PYROXD2: variants seen among roughly 807,000 people sequenced by gnomAD.
PYROXD2 encodes the protein pyridine nucleotide-disulfide oxidoreductase domain-containing protein 2.
Under a neutral mutation model 71.1 loss-of-function variants are expected in PYROXD2, and 69 were observed. That is an observed-to-expected ratio of 0.97 (90% confidence interval 0.80 to 1.19). PYROXD2 has a LOEUF of 1.19. Ranked by LOEUF, PYROXD2 falls within the 50% of genes most tolerant of loss-of-function variation. The pLI is 0.00. For missense variants in PYROXD2, 745 were observed against 748.9 expected, an observed-to-expected ratio of 0.99 and a Z score of 0.06; for synonymous variants, 287 against 302.7, an observed-to-expected ratio of 0.95 and a Z score of 0.54.
intron 1 of PYROXD2, chr10:98,411,277 G>C: frequency 2.6e-6 from 1 of 387,076 alleles, no homozygotes; most frequent in East Asian, 5.2e-5. Context: ...GGAGGCGCAA[G>C]TGATGGTGTC....
At chr10:98,384,252 T>TGAC (rs5787280) in intron 15 of PYROXD2, among the ~76,000 whole-genome samples, 72,477 of 151,578 alleles carry the variant, frequency 0.48, 18,913 homozygotes, top group African/African-American at 0.68. Flanking sequence ...GCATAGCAAA[T>TGAC]AGCCTCAGCC....
rs754909854 is a variant in PYROXD2, at chr10:98,395,197, C to T, written c.784G>A (p.Gly262Arg). The stretch of plus-strand genomic sequence containing the variant: ...TCCCACCTCACCCCCCTCACTCACC[C>T]ACTCCCCGGAGTGTGGGGACTTGTC... ...AMTSPHTPGSGYVLLHHVMGG... is the reference protein window; with the variant it reads ...AMTSPHTPGSRYVLLHHVMGG... The change falls in exon 8 of 16, where the codon GGG (glycine) becomes AGG (arginine). Residue 262 changes from glycine (G) to arginine (R), a missense_variant and splice_region_variant. Physicochemically the swap from Gly to Arg is moderately radical, Grantham distance 125 (BLOSUM62 -2). Coordinates refer to ENST00000370575, the MANE Select transcript of PYROXD2 (RefSeq NM_032709.3). 1.2e-6 allele frequency: 2 copies of T among 1,612,896 alleles called. No individual in the cohort carries two copies. Among genetic ancestry groups the T allele is most frequent in the South Asian group, 2.2e-5 (2 of 91,062 alleles).
intron 4 of PYROXD2, among the ~76,000 whole-genome samples, chr10:98,406,195 C>T (rs1843591092): frequency 6.6e-6 from 1 of 152,224 alleles, no homozygotes; most frequent in Non-Finnish European, 1.5e-5. Flanking sequence ...AGCATCTACT[C>T]AGTTCACTTG....
chr10:98,398,898 G>C (rs914059913), intron 5 of PYROXD2, among the ~76,000 whole-genome samples: 2 of 152,132 alleles, frequency 1.3e-5, no homozygotes, highest in African/African-American at 4.8e-5. Flanking sequence ...CACCTTGGGA[G>C]GTGGAGGTGG....
In PYROXD2 at chr10:98,390,703, C is replaced by T. The variant is rs760319563; in HGVS notation, c.1187G>A (p.Gly396Asp). Residue 396 changes from glycine to aspartate, a missense_variant, in exon 12 of 16, where the codon GGC becomes GAC. Transcript: ENST00000370575. Reference sequence around the variant, plus strand: ...GCATTGGTGATGGGGCAGCGGCTGGCCCCTGGGAGCATTGGGGGCCGCCAG... The same window carrying T: ...GCATTGGTGATGGGGCAGCGGCTGGTCCCTGGGAGCATTGGGGGCCGCCAG... ...SFLAAPNAPR[G>D]QPLPHHQCSI... 5.0e-6 allele frequency: 8 copies of T among 1,611,214 alleles called. No individual in the cohort carries two copies. Among genetic ancestry groups the T allele is most frequent in the Admixed American group, 1.7e-5 (1 of 59,600 alleles).
At chr10:98,391,929 G>A (rs1179888346) in intron 10 of PYROXD2, among the ~76,000 whole-genome samples, 1 of 152,126 alleles carries the variant, frequency 6.6e-6, no homozygotes, top group East Asian at 1.9e-4. Flanking sequence ...CCGGCAAGCT[G>A]ACCCACAGCC....
At chr10:98,409,928 G>A (rs6584197) in intron 2 of PYROXD2, among the ~76,000 whole-genome samples, 57,762 of 151,690 alleles carry the variant, frequency 0.38, 12,627 homozygotes, top group African/African-American at 0.6. Context: ...AAATACAAAA[G>A]TTAGCCAGGC....
intron 13 of PYROXD2, chr10:98,387,716 T>C (rs1842804401): frequency 1.3e-5 from 2 of 155,362 alleles, no homozygotes; most frequent in South Asian, 1.6e-4. Flanking sequence ...CACTGCAACC[T>C]CCGCCTCTGG....
chr10:98,406,228 C>T (rs1456728028), intron 4 of PYROXD2, among the ~76,000 whole-genome samples: 4 of 152,220 alleles, frequency 2.6e-5, no homozygotes, highest in African/African-American at 9.7e-5. Context: ...TCAAGGAACA[C>T]TATGACAAAT....
chr10:98,388,251 A>T, intron 13 of PYROXD2, 103 bp downstream of exon 13: 1 of 1,172,274 alleles, frequency 8.5e-7, no homozygotes, highest in Non-Finnish European at 1.3e-6. Context: ...TTGGAATGGC[A>T]CCTGCAGTTG....
intron 5 of PYROXD2, among the ~76,000 whole-genome samples, chr10:98,398,156 T>C (rs890838975): frequency 6.6e-6 from 1 of 152,226 alleles, no homozygotes; most frequent in African/African-American, 2.4e-5. Context: ...GTGCTGGGAT[T>C]ACAGGCGTGA....
At chr10:98,406,877 G>A (rs1404467776) in intron 4 of PYROXD2, among the ~76,000 whole-genome samples, 1 of 121,066 alleles carries the variant, frequency 8.3e-6, no homozygotes, top group African/African-American at 3.3e-5. Flanking sequence ...GGGCGACAGA[G>A]CCAGACTCCG....
chr10:98,411,918 A>G (rs977117267), intron 1 of PYROXD2: 14 of 152,246 alleles, frequency 9.2e-5, no homozygotes, highest in Admixed American at 7.2e-4. Context: ...GTTCATAAGA[A>G]AGTTTAAACA....
chr10:98,391,519 T>C (rs1246280408), intron 10 of PYROXD2, among the ~76,000 whole-genome samples: 1 of 152,172 alleles, frequency 6.6e-6, no homozygotes, highest in African/African-American at 2.4e-5. Context: ...AGGAGCTTCA[T>C]GTGCGTATAC....
chr10:98,393,386 C>G (rs767582598), intron 8 of PYROXD2, among the ~76,000 whole-genome samples: 12 of 152,200 alleles, frequency 7.9e-5, no homozygotes, highest in Admixed American at 1.3e-4. Flanking sequence ...CAGATATCTC[C>G]CTTTGGACCC....
chr10:98,392,318 G>A, intron 10 of PYROXD2, 114 bp downstream of exon 10: 2 of 1,503,158 alleles, frequency 1.3e-6, no homozygotes, highest in Non-Finnish European at 1.8e-6. Flanking sequence ...CAAATGCAGA[G>A]ACTTGGCTTT....
At chr10:98,397,300 C>T (rs748614311) in intron 6 of PYROXD2, 45 bp downstream of exon 6, 28 of 1,525,892 alleles carry the variant, frequency 1.8e-5, no homozygotes, top group Non-Finnish European at 2.4e-5. Context: ...GGCTCACCTC[C>T]TTGAAGGTCA....
intron 10 of PYROXD2, among the ~76,000 whole-genome samples, chr10:98,391,821 C>G (rs572087976): frequency 1.3e-5 from 2 of 152,266 alleles, no homozygotes; most frequent in East Asian, 3.9e-4. Flanking sequence ...TGGAGCATAG[C>G]CGAGTCCCCC....
chr10:98,397,253 T>A, intron 6 of PYROXD2, 92 bp downstream of exon 6: 3 of 1,453,238 alleles, frequency 2.1e-6, no homozygotes, highest in South Asian at 2.9e-5. Flanking sequence ...CAGGCTGCCA[T>A]GGAGGTTCAG....
Sources: allele counts gnomAD v4.1 joint callset (sites outside exome capture counted in the v4.1 genomes callset), GRCh38; gene constraint gnomAD v4.1.1; transcripts MANE v1.5; gene names NCBI Gene and HGNC (gene_info 2026-07-23, HGNC 2026-07-21).